TENM3: variants seen among roughly 807,000 people sequenced by gnomAD.
The protein encoded by TENM3 is teneurin-3.
TENM3 carries 63 observed loss-of-function variants against 255.1 expected under a neutral mutation model. The ratio of observed to expected loss-of-function variants is 0.25; its 90% CI spans 0.20 to 0.30. TENM3 has a LOEUF of 0.30. TENM3 is among the 10% of genes least tolerant of loss of function. The pLI is 1.00. For synonymous variants in TENM3, 1,306 were observed against 1,322.3 expected (o/e 0.99, Z 0.27); for missense variants, 2,929 against 3,461.1 (o/e 0.85, Z 3.86).
chr4:182,735,515 G>A (rs969866060), intron 16 of TENM3, among the ~76,000 whole-genome samples: 3 of 152,178 alleles, frequency 2.0e-5, no homozygotes, highest in Admixed American at 6.5e-5. Flanking sequence ...GAGGTGGTGG[G>A]GAAAGGGGAA....
At chr4:182,518,554 C>T (rs1398584602) in intron 3 of TENM3, among the ~76,000 whole-genome samples, 3 of 152,050 alleles carry the variant, frequency 2.0e-5, no homozygotes, top group Admixed American at 1.3e-4. Flanking sequence ...TATGAAGCTG[C>T]TGTTAGAGAG....
At chr4:182,291,908 A>G (rs1761156405) in intron 1 of TENM3, among the ~76,000 whole-genome samples, 1 of 152,094 alleles carries the variant, frequency 6.6e-6, no homozygotes, top group Admixed American at 6.5e-5. Context: ...GCAGACTCCA[A>G]CCATGTTATG....
chr4:181,712,203 T>C, the TENM3 span, among the ~76,000 whole-genome samples: 1 of 152,292 alleles, frequency 6.6e-6, no homozygotes, highest in South Asian at 2.1e-4. Flanking sequence ...AAGGCCCTTA[T>C]ATGGCTTGGA....
chr4:182,185,886 G>C (rs1355404362), intron 1 of TENM3, among the ~76,000 whole-genome samples: 1 of 152,180 alleles, frequency 6.6e-6, no homozygotes, highest in Non-Finnish European at 1.5e-5. Flanking sequence ...GGAATGTCCA[G>C]CTTAGTTTGA....
At position 182,342,595 on chromosome 4, in the gene TENM3, G is replaced by A. The variant is rs1473217081; in HGVS notation, c.233-4056G>A. Among the ~76,000 whole-genome samples, 3 of 152,128 alleles carry A rather than the reference G, an allele frequency of 2.0e-5. No homozygotes were observed. The East Asian group carries it at 5.8e-4, about 29-fold the overall frequency. On this transcript the variant is annotated intron_variant, in intron 2 of 27. Coordinates refer to ENST00000511685, the MANE Select transcript of TENM3 (RefSeq NM_001080477.4). ...TGAATATACTGAAAACCATTAAAGT[G>A]TACACTTCAAGTGGGTGCATTTTGT...
At chr4:182,099,120 C>CAA in the TENM3 span, among the ~76,000 whole-genome samples, 2 of 151,750 alleles carry the variant, frequency 1.3e-5, no homozygotes, top group Non-Finnish European at 1.5e-5. Context: ...TGCCGCCACG[C>CAA]CCAGCTAACT....
At chr4:181,955,449 A>AGACT in the TENM3 span, among the ~76,000 whole-genome samples, 1 of 152,204 alleles carries the variant, frequency 6.6e-6, no homozygotes, top group African/African-American at 2.4e-5. Flanking sequence ...AATGTCTGGA[A>AGACT]GACTATACCA....
the TENM3 span, among the ~76,000 whole-genome samples, chr4:181,910,403 A>G: frequency 6.6e-6 from 1 of 151,760 alleles, no homozygotes; most frequent in Non-Finnish European, 1.5e-5. Flanking sequence ...CGCCTCTACT[A>G]AAAATACACC....
intron 16 of TENM3, among the ~76,000 whole-genome samples, chr4:182,731,955 G>A (rs1344506602): frequency 4.0e-5 from 6 of 151,554 alleles, no homozygotes; most frequent in Admixed American, 6.6e-5. Flanking sequence ...CTAATTTTTT[G>A]TATTTTTAGT....
At chr4:182,547,815 G>A (rs923898215) in intron 3 of TENM3, among the ~76,000 whole-genome samples, 1 of 152,076 alleles carries the variant, frequency 6.6e-6, no homozygotes, top group African/African-American at 2.4e-5. Context: ...AATTTTCTGG[G>A]AATGTTTTAT....
the TENM3 span, among the ~76,000 whole-genome samples, chr4:181,710,463 A>G: frequency 1.8e-4 from 28 of 152,214 alleles, no homozygotes; most frequent in African/African-American, 6.3e-4. Flanking sequence ...CACACCTGTA[A>G]TCTCAGTACT....
At chr4:182,554,564 GTA>G (rs1302791380) in intron 3 of TENM3, among the ~76,000 whole-genome samples, 10 of 151,926 alleles carry the variant, frequency 6.6e-5, no homozygotes, top group Non-Finnish European at 1.0e-4. Flanking sequence ...GTGTGTGCAC[GTA>G]TGTGTGTGTG....
At chr4:182,016,091 A>G in the TENM3 span, among the ~76,000 whole-genome samples, 2 of 152,154 alleles carry the variant, frequency 1.3e-5, no homozygotes, top group African/African-American at 4.8e-5. Flanking sequence ...CTGATGACTC[A>G]ACTTAATGTG....
In TENM3 at chr4:182,640,887, C is replaced by T. The variant is rs186714963; in HGVS notation, c.988+11998C>T. On this transcript the variant is annotated intron_variant, in intron 5 of 27. Transcript: ENST00000511685. ...AAATGGAACGCAGGCTTCATAAGAA[C>T]GTTTTTCTCCTCTGCCTGAGGAGTA... Among the ~76,000 whole-genome samples, 307 of 152,318 alleles carry T rather than the reference C, an allele frequency of 2.0e-3. 1 individual carries two copies. The highest frequency in any genetic ancestry group is 3.9e-3 in the South Asian group (19 of 4,828).
the TENM3 span, among the ~76,000 whole-genome samples, chr4:181,932,910 A>T: frequency 6.6e-6 from 1 of 152,194 alleles, no homozygotes; most frequent in African/African-American, 2.4e-5. Flanking sequence ...AAACTACCAC[A>T]GGAACAGAAA....
intron 2 of TENM3, among the ~76,000 whole-genome samples, chr4:182,342,412 T>C (rs976898420): frequency 3.3e-5 from 5 of 152,094 alleles, no homozygotes; most frequent in Non-Finnish European, 7.4e-5. Flanking sequence ...ATCTTCTTTA[T>C]TTGAAATGTC....
chr4:182,304,903 C>G (rs1388607748), intron 1 of TENM3, among the ~76,000 whole-genome samples: 1 of 152,144 alleles, frequency 6.6e-6, no homozygotes, highest in African/African-American at 2.4e-5. Context: ...ATGACAGGTG[C>G]TACGACAGTG....
Position 182,364,507 on chromosome 4 carries a change from T to C in TENM3, c.511+17578T>C, listed in dbSNP as rs569117737. Among the ~76,000 whole-genome samples the C allele has an allele frequency of 2.0e-4, 30 of 152,138 alleles. No homozygotes were observed. In the East Asian group the frequency reaches 3.9e-3, roughly 20 times the overall value. On this transcript the variant is annotated intron_variant, in intron 3 of 27. Transcript: ENST00000511685. ...TCTCGGCTCACTGCAAGCTCCGTCTTCCGGGTTCACGCCATTCTCCTGCCT... is the reference window on the plus strand; with the variant it reads ...TCTCGGCTCACTGCAAGCTCCGTCTCCCGGGTTCACGCCATTCTCCTGCCT...
intron 3 of TENM3, among the ~76,000 whole-genome samples, chr4:182,458,675 C>G (rs1310813267): frequency 6.6e-6 from 1 of 152,182 alleles, no homozygotes; most frequent in African/African-American, 2.4e-5. Flanking sequence ...AAAATAGATA[C>G]TAAATGTTTA....
Sources: allele counts gnomAD v4.1 joint callset (sites outside exome capture counted in the v4.1 genomes callset), GRCh38; gene constraint gnomAD v4.1.1; transcripts MANE v1.5; gene names NCBI Gene and HGNC (gene_info 2026-07-23, HGNC 2026-07-21).